TMA7B: variants seen among roughly 807,000 people sequenced by gnomAD.
TMA7B encodes the protein translation machinery associated 7 homolog B.
the TMA7B span, chr22:39,960,413 C>T: frequency 2.1e-6 from 1 of 468,148 alleles, no homozygotes; most frequent in Non-Finnish European, 3.9e-6. Flanking sequence ...TCTGCCTCCC[C>T]TTCTAGCCCA....
the TMA7B span, among the ~76,000 whole-genome samples, chr22:39,963,589 G>A: frequency 1.3e-5 from 2 of 152,180 alleles, no homozygotes; most frequent in Admixed American, 6.5e-5. Context: ...ATTACCACCC[G>A]AAATCAGTCA....
chr22:39,961,649 G>A, the TMA7B span, among the ~76,000 whole-genome samples: 1 of 152,158 alleles, frequency 6.6e-6, no homozygotes, highest in Non-Finnish European at 1.5e-5. Context: ...CACTGTGTGT[G>A]GTCAGCATGT....
the TMA7B span, among the ~76,000 whole-genome samples, chr22:39,963,544 C>T: frequency 6.6e-6 from 1 of 152,110 alleles, no homozygotes; most frequent in Non-Finnish European, 1.5e-5. Context: ...TGGCCAAAAC[C>T]AAGGGGAAGA....
At chr22:39,964,387 G>A in the TMA7B span, 23 of 762,186 alleles carry the variant, frequency 3.0e-5, no homozygotes, top group Non-Finnish European at 4.6e-5. Context: ...GTCCAGCCAC[G>A]AAGGTGGCAA....
chr22:39,963,444 C>A, the TMA7B span, among the ~76,000 whole-genome samples: 1 of 152,162 alleles, frequency 6.6e-6, no homozygotes, highest in Non-Finnish European at 1.5e-5. Flanking sequence ...TATAATATCA[C>A]AAGAATATTT....
chr22:39,964,663 T>C, the TMA7B span: 3 of 579,342 alleles, frequency 5.2e-6, no homozygotes, highest in African/African-American at 5.8e-5. Context: ...CCACCTATAG[T>C]TGGAATTAAG....
At chr22:39,964,531 C>G in the TMA7B span, 3 of 873,714 alleles carry the variant, frequency 3.4e-6, no homozygotes, top group Non-Finnish European at 3.9e-6. Context: ...GAAGGGGCCT[C>G]TGGCCACAGG....
At chr22:39,964,634 C>A in the TMA7B span, 1 of 646,342 alleles carries the variant, frequency 1.5e-6, no homozygotes, top group Non-Finnish European at 2.8e-6. Context: ...CTCTCTATTC[C>A]CTCCTATAAT....
chr22:39,962,752 G>A, the TMA7B span, among the ~76,000 whole-genome samples: 1 of 152,034 alleles, frequency 6.6e-6, no homozygotes, highest in Non-Finnish European at 1.5e-5. Context: ...CCGCCTCCCA[G>A]GTTCAAAGCA....
At chr22:39,964,228 A>G in the TMA7B span, 5 of 580,030 alleles carry the variant, frequency 8.6e-6, no homozygotes, top group Non-Finnish European at 1.5e-5. Context: ...GGCTCAGCCC[A>G]CCCTTCCTAG....
chr22:39,964,834 T>G, the TMA7B span: 6 of 328,036 alleles, frequency 1.8e-5, 1 homozygote, highest in East Asian at 3.2e-4. Context: ...TGCCAGAATC[T>G]GCTCTTTGGT....
At chr22:39,962,373 A>G in the TMA7B span, among the ~76,000 whole-genome samples, 1 of 152,146 alleles carries the variant, frequency 6.6e-6, no homozygotes, top group Non-Finnish European at 1.5e-5. Context: ...GTGAGCCAAG[A>G]TCGATCGCAC....
At chr22:39,961,986 T>A in the TMA7B span, among the ~76,000 whole-genome samples, 1 of 152,284 alleles carries the variant, frequency 6.6e-6, no homozygotes, top group Admixed American at 6.5e-5. Flanking sequence ...GCCCTTGCAA[T>A]CTTGCTTAAA....
At chr22:39,964,471 C>A in the TMA7B span, 1 of 1,026,962 alleles carries the variant, frequency 9.7e-7, no homozygotes, top group Non-Finnish European at 1.5e-6. Context: ...CAAGCAGAAA[C>A]AAAAAGAGGA....
the TMA7B span, chr22:39,964,234 C>CAG: frequency 1.7e-6 from 1 of 598,812 alleles, no homozygotes; most frequent in Non-Finnish European, 2.9e-6. Flanking sequence ...GCCCACCCTT[C>CAG]CTAGATGGAT....
At chr22:39,962,816 G>A in the TMA7B span, among the ~76,000 whole-genome samples, 4 of 152,096 alleles carry the variant, frequency 2.6e-5, no homozygotes, top group Admixed American at 2.0e-4. Context: ...GCACCACCAC[G>A]CCTGGCTAAT....
the TMA7B span, chr22:39,964,714 G>GGAAA: frequency 5.2e-6 from 1 of 191,714 alleles, no homozygotes; most frequent in South Asian, 2.1e-4. Context: ...ATAAACTTTT[G>GGAAA]TAAAAAAAAA....
the TMA7B span, among the ~76,000 whole-genome samples, chr22:39,962,805 C>T: frequency 1.3e-5 from 2 of 152,132 alleles, no homozygotes; most frequent in African/African-American, 2.4e-5. Flanking sequence ...ACCATGGGTT[C>T]GCACCACCAC....
At chr22:39,960,867 C>T in the TMA7B span, 1 of 152,054 alleles carries the variant, frequency 6.6e-6, no homozygotes, top group Non-Finnish European at 1.5e-5. Context: ...GACAGACAGC[C>T]CTGTAGAAAT....
Sources: gnomAD v4.1 joint callset for allele counts (sites outside exome capture counted in the v4.1 genomes callset) on GRCh38, gnomAD v4.1.1 for gene constraint, MANE v1.5 for transcripts, NCBI Gene and HGNC (gene_info 2026-07-23, HGNC 2026-07-21) for gene names.